GTF3C3: variants seen among roughly 807,000 people sequenced by gnomAD.
The protein encoded by GTF3C3 is general transcription factor IIIC subunit 3.
In GTF3C3, 75 loss-of-function variants were observed where a neutral mutation model predicts 105.2. The observed-to-expected ratio is 0.71, with a 90% CI of 0.59 to 0.86. GTF3C3 has a LOEUF of 0.86. Ranked by LOEUF, GTF3C3 falls within the 40% of genes least tolerant of loss-of-function variation. The probability of loss-of-function intolerance (pLI) is 0.00; values close to 1 mark genes in which losing one functional copy is unlikely to be tolerated. For missense variants in GTF3C3, 856 were observed against 1,076.5 expected, an observed-to-expected ratio of 0.80 and a Z score of 2.87; for synonymous variants, 335 against 370.4, an observed-to-expected ratio of 0.90 and a Z score of 1.10.
rs145661698 is a variant in GTF3C3 at position 196,795,318 on chromosome 2, T to G, written c.215-2166A>C. Among the ~76,000 whole-genome samples the G allele has an allele frequency of 1.1e-3, 164 of 152,324 alleles. No homozygotes were observed. In the East Asian group the frequency reaches 0.019, roughly 17 times the overall value. The stretch of plus-strand genomic sequence containing the variant: ...CTCCCAAAGTGCTGGGATTAGAAGC[T>G]TGAACAACTGCACCTGGCCTGTGTT... On this transcript the variant is annotated intron_variant, in intron 2 of 17. Transcript: ENST00000263956.
At chr2:196,772,579 T>C (rs1362265984) in intron 14 of GTF3C3, among the ~76,000 whole-genome samples, 2 of 152,070 alleles carry the variant, frequency 1.3e-5, no homozygotes, top group Non-Finnish European at 2.9e-5. Context: ...ATAATAATAA[T>C]TGCCAGGCAT....
chr2:196,794,289 G>A (rs1013729203), intron 2 of GTF3C3, among the ~76,000 whole-genome samples: 17 of 151,968 alleles, frequency 1.1e-4, no homozygotes, highest in Admixed American at 1.0e-3. Flanking sequence ...ATAAATTACC[G>A]AGTTTCAAGT....
At chr2:196,771,687 A>G in intron 15 of GTF3C3, 61 bp downstream of exon 15, 1 of 1,151,186 alleles carries the variant, frequency 8.7e-7, no homozygotes, top group East Asian at 2.4e-5. Context: ...GTTCCAATCC[A>G]GAGGCTAGGC....
At chr2:196,796,509 TC>T (rs1699648154) in intron 2 of GTF3C3, among the ~76,000 whole-genome samples, 2 of 152,200 alleles carry the variant, frequency 1.3e-5, no homozygotes, top group South Asian at 4.1e-4. Context: ...TGCCTTTTTT[TC>T]TTCATCTTTT....
chr2:196,773,841 T>C (rs1699218778), intron 13 of GTF3C3: 1 of 190,706 alleles, frequency 5.2e-6, no homozygotes, highest in Admixed American at 4.9e-5. Context: ...CCTATGAGAA[T>C]CTAACGCTGC....
chr2:196,793,998 TCTTTAAGAGGGGAC>T (rs776823578), intron 2 of GTF3C3, among the ~76,000 whole-genome samples: 51 of 152,292 alleles, frequency 3.3e-4, no homozygotes, highest in South Asian at 1.2e-3. Context: ...TATTGAGAGG[TCTTTAAGAGGGGAC>T]CTTTAAGAGG....
intron 2 of GTF3C3, among the ~76,000 whole-genome samples, chr2:196,797,018 AC>A (rs1699658850): frequency 6.6e-6 from 1 of 152,120 alleles, no homozygotes; most frequent in Non-Finnish European, 1.5e-5. Context: ...CTCTGTGTAA[AC>A]ACTTACTTGT....
At chr2:196,799,461 G>T in intron 1 of GTF3C3, 49 bp downstream of exon 1, 2 of 1,382,082 alleles carry the variant, frequency 1.4e-6, no homozygotes, top group Non-Finnish European at 2.1e-6. Flanking sequence ...ACACCTAAGG[G>T]TATGAAGGCA....
chr2:196,792,518 G>A (rs1252916255), intron 3 of GTF3C3, among the ~76,000 whole-genome samples: 1 of 151,934 alleles, frequency 6.6e-6, no homozygotes, highest in Non-Finnish European at 1.5e-5. Context: ...AATAATTAAG[G>A]TTTTGTCTGT....
chr2:196,764,778 GT>G, intron 17 of GTF3C3, 93 bp from the exon 18 acceptor site: 2 of 1,130,172 alleles, frequency 1.8e-6, no homozygotes, highest in South Asian at 3.2e-5. Flanking sequence ...GTGTAAGTAA[GT>G]TTTCAAAAGG....
intron 5 of GTF3C3, among the ~76,000 whole-genome samples, 167 bp from the exon 6 acceptor site, chr2:196,789,536 G>A (rs1001580886): frequency 2.0e-5 from 3 of 152,200 alleles, no homozygotes; most frequent in Admixed American, 6.5e-5. Context: ...TAGGTTTGAT[G>A]TAAGAGCAGA....
intron 8 of GTF3C3, among the ~76,000 whole-genome samples, chr2:196,782,388 A>AT (rs1699382234): frequency 1.3e-5 from 2 of 152,346 alleles, no homozygotes; most frequent in Middle Eastern, 3.4e-3. Flanking sequence ...TGTTCAATAA[A>AT]ATATATCTAC....
At position 196,793,059 on chromosome 2, in the gene GTF3C3, T is replaced by C; in HGVS notation, c.308A>G (p.Glu103Gly). 6.2e-7 allele frequency: 1 copy of C among 1,613,584 alleles called. No homozygotes were observed. Among genetic ancestry groups the C allele is most frequent in the South Asian group, 1.1e-5 (1 of 91,058 alleles). Residue 103 changes from glutamate (E) to glycine (G), a missense_variant, in exon 3 of 18, where the codon GAG (glutamate) becomes GGG (glycine). Around this residue, in one of 3 missense-constraint regions of GTF3C3, gnomAD observed 605 missense variants for 833.6 expected, o/e 0.73. Transcript: ENST00000263956. Reference protein sequence around the residue: ...NEDDEEEEEEEEEEEEEEETP... With the variant: ...NEDDEEEEEEGEEEEEEEETP... ...TTCTTCCTCCTCCTCCTCCTCCTCC[T>C]CTTCTTCCTCTTCCTCCTCATCATC...
Position 196,764,389 on chromosome 2 carries a change from A to G in GTF3C3, c.*174T>C. On this transcript the variant is annotated 3_prime_UTR_variant, in exon 18 of 18. Transcript: ENST00000263956. The stretch of plus-strand genomic sequence containing the variant: ...CCAATATACAAATTTTTGTAGGAAT[A>G]ATTTTGCATATATACCACAAGATCA... 1 of 517,584 alleles carries G rather than the reference A, an allele frequency of 1.9e-6. No homozygotes were observed. The highest frequency in any genetic ancestry group is 5.3e-5 in the South Asian group (1 of 18,932). The allele number at this position is 517,584 out of a possible 1,614,324, so 32.1% of individuals were successfully genotyped here.
chr2:196,784,901 A>G lies in GTF3C3; in HGVS notation c.1070T>C (p.Leu357Pro), dbSNP rs759748270. 9 of 1,608,108 alleles carry G rather than the reference A, an allele frequency of 5.6e-6. No individual in the cohort carries two copies. Residue 357 changes from leucine to proline, a missense_variant, in exon 8 of 18, where the codon CTG (leucine) becomes CCG (proline). This residue lies in a region of GTF3C3 where 605 missense variants were observed against 833.6 expected (regional missense o/e 0.73). Coordinates refer to ENST00000263956, the MANE Select transcript of GTF3C3 (RefSeq NM_012086.5). ...GCCTTCTTCTGAAGTTTTTTTTTCC[A>G]GCACAATTCCAGAAAAATCTGTAAT... ...EIITDFSGIV[L>P]EKKTSEEGTS...
chr2:196,797,305 G>A (rs530596971), intron 2 of GTF3C3, among the ~76,000 whole-genome samples: 2 of 152,316 alleles, frequency 1.3e-5, no homozygotes, highest in East Asian at 1.9e-4. Flanking sequence ...GACATGCAAA[G>A]CTGAGGACTG....
intron 17 of GTF3C3, among the ~76,000 whole-genome samples, chr2:196,765,976 C>T (rs1699058158): frequency 1.4e-5 from 2 of 138,700 alleles, no homozygotes; most frequent in African/African-American, 5.4e-5. Context: ...TGCCACTGCA[C>T]TCCAGCCTGG....
At position 196,764,488 on chromosome 2, in the gene GTF3C3, A is replaced by C; in HGVS notation, c.*75T>G. ...TTGTCATTTCTATTTTGGAGTTACA[A>C]ATAATAAGCCCTGAGACAGAAGACA... On this transcript the variant is annotated 3_prime_UTR_variant, in exon 18 of 18. Coordinates refer to ENST00000263956, the MANE Select transcript of GTF3C3 (RefSeq NM_012086.5). 7.5e-7 allele frequency: 1 copy of C among 1,328,556 alleles called. No individual in the cohort carries two copies. The highest frequency in any genetic ancestry group is 1.0e-6 in the Non-Finnish European group (1 of 989,230). 82.3% of individuals were successfully genotyped at this position (1,328,556 alleles called of 1,614,324 possible).
intron 12 of GTF3C3, 102 bp from the exon 13 acceptor site, chr2:196,775,353 T>C: frequency 9.9e-7 from 1 of 1,015,186 alleles, no homozygotes; most frequent in Non-Finnish European, 1.4e-6. Context: ...ACTCCTAAGC[T>C]CAAGTGATCC....
Sources: gnomAD v4.1 joint callset for allele counts (sites outside exome capture counted in the v4.1 genomes callset) on GRCh38, gnomAD v4.1.1 for gene constraint, gnomAD v4.1.1 regional missense constraint, MANE v1.5 for transcripts, NCBI Gene and HGNC (gene_info 2026-07-23, HGNC 2026-07-21) for gene names.